Variants in CACNA2D1 observed in about 807,000 individuals in gnomAD.
CACNA2D1 encodes calcium voltage-gated channel auxiliary subunit alpha2delta 1.
In CACNA2D1, 53 loss-of-function variants were observed where a neutral mutation model predicts 171.5. The ratio of observed to expected loss-of-function variants is 0.31; its 90% CI spans 0.25 to 0.39. CACNA2D1 has a LOEUF of 0.39. Among genes scored for constraint, CACNA2D1 ranks in the 10% least tolerant of loss-of-function variants. The pLI is 1.00. For synonymous variants in CACNA2D1, 442 were observed against 443.1 expected, an observed-to-expected ratio of 1.00 and a Z score of 0.03; for missense variants, 903 against 1,299.8, an observed-to-expected ratio of 0.69 and a Z score of 4.69.
intron 1 of CACNA2D1, among the ~76,000 whole-genome samples, chr7:82,379,264 C>T (rs954960637): frequency 4.6e-5 from 7 of 151,966 alleles, no homozygotes; most frequent in East Asian, 1.9e-4. Flanking sequence ...TACTGACTGA[C>T]GAATTTCAAA....
chr7:82,385,675 GT>G (rs1055423070), intron 1 of CACNA2D1, among the ~76,000 whole-genome samples: 5 of 146,070 alleles, frequency 3.4e-5, no homozygotes, highest in African/African-American at 1.0e-4. Context: ...GTTTTGTTTT[GT>G]TTTTTTGAGA....
At chr7:82,130,059 T>C (rs1049124380) in intron 5 of CACNA2D1, among the ~76,000 whole-genome samples, 6 of 152,252 alleles carry the variant, frequency 3.9e-5, no homozygotes, top group Non-Finnish European at 8.8e-5. Context: ...AATATAACTA[T>C]GACGTGTTCT....
intron 6 of CACNA2D1, among the ~76,000 whole-genome samples, chr7:82,096,651 T>C (rs924192528): frequency 3.4e-5 from 5 of 148,660 alleles, no homozygotes; most frequent in Non-Finnish European, 7.4e-5. Flanking sequence ...TCTAGTATGA[T>C]ATTGCAAGGA....
chr7:82,215,618 T>C (rs1252442271), intron 3 of CACNA2D1, among the ~76,000 whole-genome samples: 1 of 152,188 alleles, frequency 6.6e-6, no homozygotes, highest in Non-Finnish European at 1.5e-5. Flanking sequence ...AACTATTTTT[T>C]AAATTTTTCC....
intron 2 of CACNA2D1, among the ~76,000 whole-genome samples, chr7:82,337,122 T>A (rs1465195776): frequency 6.6e-6 from 1 of 152,096 alleles, no homozygotes; most frequent in East Asian, 1.9e-4. Context: ...TCTCTCAAAT[T>A]TTCCTTTTAG....
intron 6 of CACNA2D1, among the ~76,000 whole-genome samples, chr7:82,094,286 T>C (rs1360591021): frequency 1.3e-5 from 2 of 152,110 alleles, no homozygotes; most frequent in African/African-American, 4.8e-5. Flanking sequence ...TACAGATTAA[T>C]ACCGAATCAT....
chr7:81,973,399 C>T (rs1795497515), intron 25 of CACNA2D1, among the ~76,000 whole-genome samples: 1 of 152,074 alleles, frequency 6.6e-6, no homozygotes, highest in Non-Finnish European at 1.5e-5. Flanking sequence ...AAGCCGCTAA[C>T]TAATCTGTGC....
At chr7:82,341,446 G>A (rs1383661512) in intron 2 of CACNA2D1, among the ~76,000 whole-genome samples, 2 of 151,986 alleles carry the variant, frequency 1.3e-5, no homozygotes, top group East Asian at 3.9e-4. Context: ...TTTTCCCCAT[G>A]AAAATTAGCT....
intron 3 of CACNA2D1, among the ~76,000 whole-genome samples, chr7:82,297,008 G>A (rs931697101): frequency 9.7e-5 from 14 of 143,766 alleles, no homozygotes; most frequent in Non-Finnish European, 1.5e-4. Context: ...GCGGAGGTGG[G>A]AAGATCGCTT....
At chr7:82,341,843 C>A (rs1295784886) in intron 2 of CACNA2D1, among the ~76,000 whole-genome samples, 2 of 151,610 alleles carry the variant, frequency 1.3e-5, no homozygotes, top group Admixed American at 1.3e-4. Context: ...GTCAGGAGAT[C>A]CAGACCATCC....
At chr7:82,019,514 C>T (rs1360334653) in intron 12 of CACNA2D1, among the ~76,000 whole-genome samples, 1 of 152,166 alleles carries the variant, frequency 6.6e-6, no homozygotes, top group Non-Finnish European at 1.5e-5. Flanking sequence ...GCAGTTTTGG[C>T]TATTTACAAT....
chr7:82,004,686 A>G (rs1798948264), intron 18 of CACNA2D1, among the ~76,000 whole-genome samples: 3 of 152,162 alleles, frequency 2.0e-5, no homozygotes, highest in Admixed American at 2.0e-4. Flanking sequence ...TTCAAAGTAT[A>G]ACAATAACTA....
intron 3 of CACNA2D1, among the ~76,000 whole-genome samples, chr7:82,315,163 A>G (rs12673548): frequency 0.18 from 26,824 of 151,784 alleles, 2,430 homozygotes; most frequent in South Asian, 0.28. Context: ...AAAGGAAATA[A>G]CGTGTCGTGT....
At chr7:82,222,830 T>C (rs965702800) in intron 3 of CACNA2D1, among the ~76,000 whole-genome samples, 3 of 152,008 alleles carry the variant, frequency 2.0e-5, no homozygotes, top group Non-Finnish European at 2.9e-5. Flanking sequence ...TGAATGAATA[T>C]CCAAATAAAA....
intron 1 of CACNA2D1, among the ~76,000 whole-genome samples, chr7:82,433,885 A>C (rs1024575745): frequency 6.6e-6 from 1 of 152,236 alleles, no homozygotes; most frequent in Non-Finnish European, 1.5e-5. Flanking sequence ...AGGCAACCAG[A>C]GTCTCTTTTC....
At chr7:82,404,644 T>G (rs2129452599) in intron 1 of CACNA2D1, among the ~76,000 whole-genome samples, 1 of 152,340 alleles carries the variant, frequency 6.6e-6, no homozygotes, top group Non-Finnish European at 1.5e-5. Context: ...AATTCCACAC[T>G]TGGCACCATT....
chr7:82,332,573 CAG>C (rs1817507274), intron 3 of CACNA2D1, among the ~76,000 whole-genome samples: 1 of 100,344 alleles, frequency 1.0e-5, no homozygotes, highest in African/African-American at 3.3e-5. Flanking sequence ...AAAGAACGAA[CAG>C]AAAATTTTTG....
At chr7:82,436,200 C>G (rs184798176) in intron 1 of CACNA2D1, among the ~76,000 whole-genome samples, 1 of 151,556 alleles carries the variant, frequency 6.6e-6, no homozygotes, top group East Asian at 1.9e-4. Flanking sequence ...ATATTTGAAA[C>G]AAGAAATATT....
chr7:82,031,508 T>C (rs913938509), intron 12 of CACNA2D1, among the ~76,000 whole-genome samples: 7 of 151,938 alleles, frequency 4.6e-5, no homozygotes, highest in Non-Finnish European at 8.8e-5. Flanking sequence ...AATCACCAGA[T>C]GCTAAACAAA....
Sources: allele counts gnomAD v4.1 joint callset (sites outside exome capture counted in the v4.1 genomes callset), GRCh38; gene constraint gnomAD v4.1.1; transcripts MANE v1.5; gene names NCBI Gene and HGNC (gene_info 2026-07-23, HGNC 2026-07-21).